SHISAL1: variants seen among roughly 807,000 people sequenced by gnomAD.
SHISAL1 encodes the protein shisa like 1, also known as protein shisa-like-1.
Under a neutral mutation model 22.6 loss-of-function variants are expected in SHISAL1, and 9 were observed. The ratio of observed to expected loss-of-function variants is 0.40; its 90% CI spans 0.24 to 0.70. The LOEUF (loss-of-function observed/expected upper bound fraction) is 0.70, where lower values mean the gene tolerates loss of function less well. Ranked by LOEUF, SHISAL1 falls within the 30% of genes least tolerant of loss-of-function variation. The probability of loss-of-function intolerance (pLI) is 0.39; values close to 1 mark genes in which losing one functional copy is unlikely to be tolerated. For synonymous variants in SHISAL1, 119 were observed against 115.4 expected (o/e 1.03, Z -0.20); for missense variants, 246 against 270.6 (o/e 0.91, Z 0.64).
the SHISAL1 span, among the ~76,000 whole-genome samples, chr22:44,326,956 G>A: frequency 6.6e-6 from 1 of 152,008 alleles, no homozygotes; most frequent in Non-Finnish European, 1.5e-5. Context: ...GCTCCTCAAG[G>A]CCTCTGGACA....
chr22:44,286,478 C>T (rs1311019345), intron 3 of SHISAL1, among the ~76,000 whole-genome samples: 1 of 152,214 alleles, frequency 6.6e-6, no homozygotes, highest in East Asian at 1.9e-4. Context: ...CGGTGTCAGC[C>T]GACTCCACTG....
At chr22:44,306,786 TGGGCTCGG>T (rs2055480745) in intron 1 of SHISAL1, among the ~76,000 whole-genome samples, 1 of 139,308 alleles carries the variant, frequency 7.2e-6, no homozygotes, top group Non-Finnish European at 1.5e-5. Context: ...GGAGGGGACC[TGGGCTCGG>T]GGAATTGTGA....
chr22:44,287,353 G>A (rs25502), intron 3 of SHISAL1, among the ~76,000 whole-genome samples: 8,318 of 152,276 alleles, frequency 0.055, 566 homozygotes, highest in Admixed American at 0.18. Context: ...TTCGCTCTCT[G>A]CCTAGAATGC....
At chr22:44,251,606 G>C (rs1451303580) in intron 4 of SHISAL1, among the ~76,000 whole-genome samples, 1 of 152,204 alleles carries the variant, frequency 6.6e-6, no homozygotes, top group Non-Finnish European at 1.5e-5. Context: ...CACAATCATG[G>C]CAAAAGGCAA....
At chr22:44,269,090 C>A (rs1467292011) in intron 4 of SHISAL1, among the ~76,000 whole-genome samples, 2 of 152,004 alleles carry the variant, frequency 1.3e-5, no homozygotes, top group African/African-American at 4.8e-5. Flanking sequence ...CAGTAAACAT[C>A]CACAATACAC....
intron 4 of SHISAL1, among the ~76,000 whole-genome samples, chr22:44,268,402 A>G (rs1193405728): frequency 6.6e-6 from 1 of 152,200 alleles, no homozygotes; most frequent in Non-Finnish European, 1.5e-5. Flanking sequence ...GCCAGATAGA[A>G]GGTCAAAGAG....
chr22:44,263,807 T>C (rs900815223), intron 4 of SHISAL1, among the ~76,000 whole-genome samples: 7 of 152,226 alleles, frequency 4.6e-5, no homozygotes, highest in African/African-American at 1.7e-4. Context: ...GTGCTGCTGA[T>C]GCCTTGACAT....
chr22:44,304,899 G>T (rs917247906), intron 1 of SHISAL1, among the ~76,000 whole-genome samples: 1 of 152,170 alleles, frequency 6.6e-6, no homozygotes, highest in Non-Finnish European at 1.5e-5. Flanking sequence ...TGGGGCTCAG[G>T]TCCAAGAGCT....
chr22:44,285,423 C>T lies in SHISAL1; in HGVS notation c.599+5G>A. On this transcript the variant is annotated splice_donor_5th_base_variant and intron_variant, in intron 4 of 4. Transcript: ENST00000381176. ...TCATTCTGGGTCTCAATTGTAGCCA[C>T]TCACCAGGCAGACGAACTCTGGAAG... is the stretch of plus-strand genomic sequence containing the variant. The T allele has an allele frequency of 6.2e-7, 1 of 1,613,964 alleles. No individual in the cohort carries two copies. Among genetic ancestry groups the T allele is most frequent in the Non-Finnish European group, 8.5e-7 (1 of 1,179,856 alleles).
Position 44,296,776 on chromosome 22 carries a change from A to G in SHISAL1, c.177T>C (p.Cys59=), listed in dbSNP as rs969246251. The change falls in exon 3 of 5, where the codon TGT becomes TGC. Residue 59 remains cysteine, a synonymous_variant. Coordinates refer to ENST00000381176, the MANE Select transcript of SHISAL1 (RefSeq NM_001099294.2). ...TGAAGACCGTGTTGTTATGGTGACA[A>G]CAGAGGATGAAGGTCTTGTTGTCCG... is the stretch of plus-strand genomic sequence containing the variant. ...RLSDNKTFIL[C]CHHNNTVFKY... 4 of 1,614,116 alleles carry G rather than the reference A, an allele frequency of 2.5e-6. No homozygotes were observed. Among genetic ancestry groups the G allele is most frequent in the Non-Finnish European group, 3.4e-6 (4 of 1,180,032 alleles).
chr22:44,314,346 G>A (rs1252394279), upstream of SHISAL1, among the ~76,000 whole-genome samples: 2 of 152,082 alleles, frequency 1.3e-5, no homozygotes, highest in African/African-American at 4.8e-5. Context: ...GTCCCTTGCC[G>A]CTTCTCAGCT....
intron 3 of SHISAL1, among the ~76,000 whole-genome samples, chr22:44,286,193 C>A (rs897327553): frequency 2.0e-5 from 3 of 152,194 alleles, no homozygotes; most frequent in Non-Finnish European, 4.4e-5. Context: ...CACTGCCTCA[C>A]CCCTGCTGTG....
In SHISAL1 at chr22:44,269,775, A is replaced by T. The variant is rs372538222; in HGVS notation, c.599+15653T>A. Among the ~76,000 whole-genome samples the T allele has an allele frequency of 4.8e-4, 73 of 152,178 alleles. No individual in the cohort carries two copies. In the East Asian group the frequency reaches 0.01, roughly 22 times the overall value. ...CACCATGCCACACAGACTCCTGCTC[A>T]CTTCTTACCTGTCCTAGCCCCTCAG... On this transcript the variant is annotated intron_variant, in intron 4 of 4. Coordinates refer to ENST00000381176, the MANE Select transcript of SHISAL1 (RefSeq NM_001099294.2).
chr22:44,257,768 G>A (rs1020077730), intron 4 of SHISAL1, among the ~76,000 whole-genome samples: 3 of 152,202 alleles, frequency 2.0e-5, no homozygotes, highest in South Asian at 2.1e-4. Flanking sequence ...TGCACTTCCC[G>A]AAGAAGCTCT....
intron 1 of SHISAL1, among the ~76,000 whole-genome samples, chr22:44,311,940 G>A (rs1227333866): frequency 1.3e-5 from 2 of 152,136 alleles, no homozygotes; most frequent in Non-Finnish European, 2.9e-5. Context: ...TTTCCCACTG[G>A]AGAAACACAA....
At chr22:44,311,570 A>G (rs1021899179) in intron 1 of SHISAL1, among the ~76,000 whole-genome samples, 8 of 152,208 alleles carry the variant, frequency 5.3e-5, no homozygotes, top group African/African-American at 1.9e-4. Flanking sequence ...AGTTCTCTGC[A>G]TGTGCTACTG....
At chr22:44,318,518 G>A in the SHISAL1 span, among the ~76,000 whole-genome samples, 20 of 152,366 alleles carry the variant, frequency 1.3e-4, no homozygotes, top group Non-Finnish European at 2.4e-4. Context: ...AGGCTGGCCT[G>A]GGGGAGGGAA....
chr22:44,309,309 C>T lies in SHISAL1; in HGVS notation c.-33+3442G>A, dbSNP rs557920068. ...AATGATGAGTAATTCTATGTGGGCA[C>T]GATGATTAGCAGTGGTAGCATTAGC... On this transcript the variant is annotated intron_variant, in intron 1 of 4. Transcript: ENST00000381176. 1.8e-4 allele frequency among the ~76,000 whole-genome samples: 28 copies of T among 152,248 alleles called. No homozygotes were observed. The South Asian group carries it at 4.8e-3, about 26-fold the overall frequency.
chr22:44,310,574 T>C lies in SHISAL1; in HGVS notation c.-33+2177A>G, dbSNP rs1312406836. ...CCACACCTTGCAGGTATACCAAACA[T>C]AGAAAGGACCAGAAGCTAGCAGGGC... On this transcript the variant is annotated intron_variant, in intron 1 of 4. Transcript: ENST00000381176. This position sits in a 1 kb window ranked among gnomAD's most constrained non-coding sequence, Gnocchi z 4.0. Among the ~76,000 whole-genome samples the C allele has an allele frequency of 1.3e-5, 2 of 152,034 alleles. No homozygotes were observed. The highest frequency in any genetic ancestry group is 1.5e-5 in the Non-Finnish European group (1 of 68,006).
Sources: gnomAD v4.1 joint callset for allele counts (sites outside exome capture counted in the v4.1 genomes callset) on GRCh38, gnomAD v4.1.1 for gene constraint, Gnocchi (gnomAD v3.1) non-coding constraint, MANE v1.5 for transcripts, NCBI Gene and HGNC (gene_info 2026-07-23, HGNC 2026-07-21) for gene names.